Variants in REL observed in about 807,000 individuals in gnomAD.
The protein encoded by REL is REL proto-oncogene, NF-kB subunit, also known as proto-oncogene c-Rel.
REL carries 15 observed loss-of-function variants against 45.9 expected under a neutral mutation model. The ratio of observed to expected loss-of-function variants is 0.33; its 90% CI spans 0.22 to 0.50. The LOEUF (loss-of-function observed/expected upper bound fraction) is 0.50, where lower values mean the gene tolerates loss of function less well. Ranked by LOEUF, REL falls within the 20% of genes least tolerant of loss-of-function variation. REL has a pLI of 0.98. For synonymous variants in REL, 239 were observed against 242.1 expected, an observed-to-expected ratio of 0.99 and a Z score of 0.12; for missense variants, 601 against 715.2, an observed-to-expected ratio of 0.84 and a Z score of 1.82.
At chr2:60,893,755 G>A (rs1223283859) in intron 2 of REL, among the ~76,000 whole-genome samples, 1 of 152,052 alleles carries the variant, frequency 6.6e-6, no homozygotes, top group Admixed American at 6.6e-5. Flanking sequence ...TATAGTCCCT[G>A]CTTTGTTCTT....
In REL at chr2:60,895,153, C is replaced by T. The variant is rs1263128717; in HGVS notation, c.302+608C>T. Among the ~76,000 whole-genome samples, 9 of 151,970 alleles carry T rather than the reference C, an allele frequency of 5.9e-5. No homozygotes were observed. The South Asian group carries it at 1.9e-3, about 32-fold the overall frequency. The stretch of plus-strand genomic sequence containing the variant: ...GGATTACAGGTGTGAGACACCGTGC[C>T]TAGCCTCTGTCTTTTCATTTATAGT... On this transcript the variant is annotated intron_variant, in intron 3 of 9. Coordinates refer to ENST00000394479, the MANE Select transcript of REL (RefSeq NM_001291746.2).
chr2:60,905,576 G>C lies in REL; in HGVS notation c.394+4493G>C, dbSNP rs139836196. On this transcript the variant is annotated intron_variant, in intron 4 of 9. Coordinates refer to ENST00000394479, the MANE Select transcript of REL (RefSeq NM_001291746.2). ...ATATTTTTAAAATAATAACTTATCC[G>C]AGTCACATGGCACCAAAGTGTGTTA... 3.3e-3 allele frequency among the ~76,000 whole-genome samples: 501 copies of C among 152,226 alleles called. 6 individuals are homozygous for C. The highest frequency in any genetic ancestry group is 0.012 in the African/African-American group (480 of 41,526).
Position 60,881,586 on chromosome 2 carries a change from C to T in REL, c.-255C>T. On this transcript the variant is annotated 5_prime_UTR_variant, in exon 1 of 10. Coordinates refer to ENST00000394479, the MANE Select transcript of REL (RefSeq NM_001291746.2). ...CGGCTGGGCCAGCACTCGGCTCTCC[C>T]CGCTCCGCCCCCTGCCCCTGGCTCC... 2 of 491,478 alleles carry T rather than the reference C, an allele frequency of 4.1e-6. No homozygotes were observed. The highest frequency in any genetic ancestry group is 2.7e-5 in the South Asian group (1 of 37,410). 30.4% of individuals were successfully genotyped at this position (491,478 alleles called of 1,614,324 possible).
intron 4 of REL, among the ~76,000 whole-genome samples, chr2:60,904,102 T>G (rs1200331019): frequency 1.3e-5 from 2 of 150,456 alleles, no homozygotes; most frequent in African/African-American, 2.4e-5. Context: ...AACTCAATTT[T>G]AAAAATAAGA....
rs556948854 is a variant in REL at position 60,881,875 on chromosome 2, T to A, written c.10+25T>A. 32 of 1,452,000 alleles carry A rather than the reference T, an allele frequency of 2.2e-5. No individual in the cohort carries two copies. In the African/African-American group the frequency reaches 2.8e-4, roughly 13 times the overall value. 89.9% of individuals were successfully genotyped at this position (1,452,000 alleles called of 1,614,324 possible). A position where few individuals can be genotyped will look rare whatever the true frequency, so the allele number is the denominator to read the frequency against. ...GGTGAGTGTTCATGGGGCGCGGGCCTGGGCCGGGGGAAAGGAGCTCTTCTG... is the reference window on the plus strand; with the variant it reads ...GGTGAGTGTTCATGGGGCGCGGGCCAGGGCCGGGGGAAAGGAGCTCTTCTG... On this transcript the variant is annotated intron_variant, in intron 1 of 9. Coordinates refer to ENST00000394479, the MANE Select transcript of REL (RefSeq NM_001291746.2).
At chr2:60,883,201 C>G (rs1036913811) in intron 1 of REL, among the ~76,000 whole-genome samples, 1 of 152,206 alleles carries the variant, frequency 6.6e-6, no homozygotes, top group Non-Finnish European at 1.5e-5. Context: ...CCCAAACTGC[C>G]TGGTCCAGTG....
chr2:60,899,375 T>G (rs901322610), intron 3 of REL: 1 of 152,100 alleles, frequency 6.6e-6, no homozygotes, highest in Admixed American at 6.5e-5. Flanking sequence ...GTCCAGCTAC[T>G]CAGGAGGCTG....
At chr2:60,898,063 C>G (rs902400895) in intron 3 of REL, among the ~76,000 whole-genome samples, 1 of 152,156 alleles carries the variant, frequency 6.6e-6, no homozygotes, top group African/African-American at 2.4e-5. Context: ...ACCTTCTCAA[C>G]TGGTTTTGAA....
chr2:60,920,496 C>T lies in REL; in HGVS notation c.923-78C>T, dbSNP rs568641114. 2.0e-4 allele frequency: 234 copies of T among 1,142,034 alleles called. 2 individuals are homozygous for T. The highest frequency in any genetic ancestry group is 1.3e-3 in the Middle Eastern group (5 of 3,776). The allele number at this position is 1,142,034 out of a possible 1,614,324, so 70.7% of individuals were successfully genotyped here. A position where few individuals can be genotyped will look rare whatever the true frequency, so the allele number is the denominator to read the frequency against. ...GATTACAGGTGGGAGCCACCACGCC[C>T]GGCCAGTTTTTCAGATTTTAACTGA... is the stretch of plus-strand genomic sequence containing the variant. On this transcript the variant is annotated intron_variant, in intron 8 of 9. Coordinates refer to ENST00000394479, the MANE Select transcript of REL (RefSeq NM_001291746.2).
intron 3 of REL, among the ~76,000 whole-genome samples, chr2:60,895,801 T>G (rs913256326): frequency 1.3e-5 from 2 of 152,200 alleles, no homozygotes; most frequent in Non-Finnish European, 2.9e-5. Context: ...TCAGACATTA[T>G]GCTCTAATGC....
intron 4 of REL, among the ~76,000 whole-genome samples, chr2:60,906,841 ATATGTGTGTGTATG>A (rs1398877462): frequency 1.6e-4 from 23 of 142,132 alleles, no homozygotes; most frequent in East Asian, 5.9e-4. Context: ...GTGTATATAT[ATATGTGTGTGTATG>A]TATGTGTGTG....
intron 3 of REL, among the ~76,000 whole-genome samples, chr2:60,897,303 CTTTTTT>C (rs34839609): frequency 4.9e-5 from 7 of 143,764 alleles, no homozygotes; most frequent in African/African-American, 1.8e-4. Context: ...TTTCTTTTTT[CTTTTTT>C]TTTTTCCTTT....
intron 9 of REL, among the ~76,000 whole-genome samples, chr2:60,921,537 A>C (rs1281419522): frequency 1.3e-5 from 2 of 152,178 alleles, no homozygotes; most frequent in Non-Finnish European, 2.9e-5. Context: ...TAACTTGCCA[A>C]AATCATTTTA....
chr2:60,910,482 C>CAAAAA (rs11311284), intron 4 of REL, among the ~76,000 whole-genome samples: 1 of 138,350 alleles, frequency 7.2e-6, no homozygotes, highest in Admixed American at 7.4e-5. Flanking sequence ...AAACAAAAAA[C>CAAAAA]AAAAAAAAAA....
At chr2:60,904,779 A>T (rs1411425316) in intron 4 of REL, among the ~76,000 whole-genome samples, 1 of 151,898 alleles carries the variant, frequency 6.6e-6, no homozygotes, top group Non-Finnish European at 1.5e-5. Context: ...GGTCTTAGCT[A>T]CTCAGGAGGC....
chr2:60,917,039 A>G (rs1427480897), intron 5 of REL, 22 bp downstream of exon 5: 5 of 1,589,138 alleles, frequency 3.1e-6, no homozygotes, highest in South Asian at 1.1e-5. Context: ...ATTTTCTTAT[A>G]TTTGTAGTCT....
At chr2:60,882,252 C>A (rs1672959883) in intron 1 of REL, among the ~76,000 whole-genome samples, 2 of 152,178 alleles carry the variant, frequency 1.3e-5, no homozygotes, top group South Asian at 2.1e-4. Context: ...AGTTTAATTT[C>A]ATCAAATGCA....
intron 1 of REL, among the ~76,000 whole-genome samples, chr2:60,887,808 T>C (rs1673106487): frequency 6.6e-6 from 1 of 151,892 alleles, no homozygotes; most frequent in South Asian, 2.1e-4. Flanking sequence ...TATGTAATTT[T>C]TACTATTTAA....
rs1480910382 is a variant in REL, at chr2:60,930,242, A to G, written c.*7707A>G. The G allele has an allele frequency of 2.0e-5, 3 of 152,342 alleles. No homozygotes were observed. The highest frequency in any genetic ancestry group is 6.5e-5 in the Admixed American group (1 of 15,274). The allele number at this position is 152,342 out of a possible 1,614,324, so 9.4% of individuals were successfully genotyped here. ...CGAATCAAATATTGTTAATAAACCA[A>G]TATCTGTATATCCTATGTCCCGGAT... On this transcript the variant is annotated 3_prime_UTR_variant, in exon 10 of 10. Coordinates refer to ENST00000394479, the MANE Select transcript of REL (RefSeq NM_001291746.2).
Sources: gnomAD v4.1 joint callset for allele counts (sites outside exome capture counted in the v4.1 genomes callset) on GRCh38, gnomAD v4.1.1 for gene constraint, MANE v1.5 for transcripts, NCBI Gene and HGNC (gene_info 2026-07-23, HGNC 2026-07-21) for gene names.